TRIB2: variants seen among roughly 807,000 people sequenced by gnomAD.
TRIB2 encodes the protein tribbles pseudokinase 2.
A neutral mutation model predicts 26.8 loss-of-function variants in TRIB2; 2 were observed. The observed-to-expected ratio is 0.07, with a 90% confidence interval of 0.03 to 0.24. The LOEUF is 0.24. TRIB2 is among the 10% of genes least tolerant of loss of function. The pLI is 1.00. For synonymous variants in TRIB2, 189 were observed against 187.3 expected (o/e 1.01, Z -0.08); for missense variants, 306 against 449.0 (o/e 0.68, Z 2.88).
Position 12,718,797 on chromosome 2 carries a change from C to G in TRIB2, c.270+220C>G, listed in dbSNP as rs1558313834. ...CAGTGGGGGCGTTTCGGGGAGAGCC[C>G]GGGGAGGAGAGGGCGGCGGGACTGC... On this transcript the variant is annotated intron_variant, in intron 1 of 2. Transcript: ENST00000155926. This position sits in a 1 kb window ranked among gnomAD's most constrained non-coding sequence, Gnocchi z 4.0. Among the ~76,000 whole-genome samples the G allele has an allele frequency of 6.6e-6, 1 of 151,798 alleles. No homozygotes were observed. The highest frequency in any genetic ancestry group is 2.1e-4 in the South Asian group (1 of 4,810).
Position 12,732,766 on chromosome 2 carries a change from CCCGGGCGG to C in TRIB2, c.564-7559_564-7552del, listed in dbSNP as rs1661485233. On this transcript the variant is annotated intron_variant, in intron 2 of 2. Transcript: ENST00000155926. The surrounding 1 kb of genome is among the most constrained non-coding windows in gnomAD (Gnocchi z 4.2). ...TTCCCAGGCCCTTGGTAGCAGCCGCCCCGGGCGGGACCCTGGCTTTCACAGCTGGACTG... is the reference window on the plus strand; with the variant it reads ...TTCCCAGGCCCTTGGTAGCAGCCGCCGACCCTGGCTTTCACAGCTGGACTG... 6.6e-6 allele frequency among the ~76,000 whole-genome samples: 1 copy of C among 152,214 alleles called. No individual in the cohort carries two copies. Among genetic ancestry groups the C allele is most frequent in the Admixed American group, 6.5e-5 (1 of 15,286 alleles).
chr2:12,736,492 T>C (rs181933903), intron 2 of TRIB2, among the ~76,000 whole-genome samples: 1 of 152,310 alleles, frequency 6.6e-6, no homozygotes, highest in Admixed American at 6.5e-5. Flanking sequence ...TATGGGAGAT[T>C]CCTTGATGCT....
chr2:12,718,078 G>A lies in TRIB2; in HGVS notation c.-230G>A. 1 of 587,524 alleles carries A rather than the reference G, an allele frequency of 1.7e-6. No homozygotes were observed. The highest frequency in any genetic ancestry group is 3.0e-6 in the Non-Finnish European group (1 of 336,688). 36.4% of individuals were successfully genotyped at this position (587,524 alleles called of 1,614,324 possible). On this transcript the variant is annotated 5_prime_UTR_variant, in exon 1 of 3. Coordinates refer to ENST00000155926, the MANE Select transcript of TRIB2 (RefSeq NM_021643.4). This position sits in a 1 kb window ranked among gnomAD's most constrained non-coding sequence, Gnocchi z 4.0. ...CTGCTTTGGGGTAACAAAAAGACCC[G>A]AGTTGCCTGCCGACCGAGGACCCCC...
chr2:12,729,330 T>C (rs1178683613), intron 2 of TRIB2, among the ~76,000 whole-genome samples: 1 of 152,206 alleles, frequency 6.6e-6, no homozygotes, highest in Non-Finnish European at 1.5e-5. Context: ...TGGGCCTTGC[T>C]ATTTGTTGAC....
At position 12,723,306 on chromosome 2, in the gene TRIB2, G is replaced by C. The variant is rs377427702; in HGVS notation, c.317G>C (p.Cys106Ser). Residue 106 changes from cysteine to serine, a missense_variant, in exon 2 of 3, where the codon TGC (cysteine) becomes TCC (serine). By Grantham distance (112) the Cys-to-Ser change is moderately radical. Transcript: ENST00000155926. ...CAGGAATCCCTGGCACCGTGCTTTT[G>C]CCTGTCTGCTCATAGTAACATCAAC... is the stretch of plus-strand genomic sequence containing the variant. The part of the protein sequence containing the change: ...CYQESLAPCF[C>S]LSAHSNINQI... The C allele has an allele frequency of 9.3e-6, 15 of 1,614,082 alleles. No homozygotes were observed. Among genetic ancestry groups the C allele is most frequent in the Non-Finnish European group, 1.2e-5 (14 of 1,180,056 alleles).
Position 12,740,885 on chromosome 2 carries a change from G to A in TRIB2, c.*91G>A. On this transcript the variant is annotated 3_prime_UTR_variant, in exon 3 of 3. Transcript: ENST00000155926. The surrounding 1 kb of genome is among the most constrained non-coding windows in gnomAD (Gnocchi z 5.8). ...CGGGGGACACGAATTGCCTGGCTGA[G>A]TAGCAAGAAAGACACACTCTTAAGT... The A allele has an allele frequency of 8.1e-7, 1 of 1,232,494 alleles. No homozygotes were observed. The highest frequency in any genetic ancestry group is 1.1e-6 in the Non-Finnish European group (1 of 880,724). 76.3% of individuals were successfully genotyped at this position (1,232,494 alleles called of 1,614,324 possible).
chr2:12,734,221 C>T (rs1661521775), intron 2 of TRIB2, among the ~76,000 whole-genome samples: 1 of 152,196 alleles, frequency 6.6e-6, no homozygotes, highest in African/African-American at 2.4e-5. Context: ...CTGGAGATAA[C>T]CATTGTCATT....
chr2:12,737,903 A>C (rs1273186391), intron 2 of TRIB2, among the ~76,000 whole-genome samples: 2 of 152,160 alleles, frequency 1.3e-5, no homozygotes, highest in Non-Finnish European at 2.9e-5. Flanking sequence ...TAGGTCTGAA[A>C]AACAGAGAAG....
rs1471821817 is a variant in TRIB2 at position 12,717,812 on chromosome 2, T to G, written c.-496T>G. The G allele has an allele frequency of 1.1e-5, 3 of 271,684 alleles. No homozygotes were observed. The highest frequency in any genetic ancestry group is 6.3e-5 in the East Asian group (1 of 15,966). The allele number at this position is 271,684 out of a possible 1,614,324, so 16.8% of individuals were successfully genotyped here. On this transcript the variant is annotated 5_prime_UTR_variant, in exon 1 of 3. Coordinates refer to ENST00000155926, the MANE Select transcript of TRIB2 (RefSeq NM_021643.4). This position sits in a 1 kb window ranked among gnomAD's most constrained non-coding sequence, Gnocchi z 4.8. The stretch of plus-strand genomic sequence containing the variant: ...GCCGGTAGACCCGTGCTTGTTTCCT[T>G]TCTCTTTTTGTTTGGCTTCTAACGC...
chr2:12,722,297 C>T (rs1327442652), intron 1 of TRIB2, among the ~76,000 whole-genome samples: 4 of 152,222 alleles, frequency 2.6e-5, no homozygotes, highest in Non-Finnish European at 5.9e-5. Flanking sequence ...CAGCGAAGCT[C>T]ACCCACGCAT....
intron 2 of TRIB2, among the ~76,000 whole-genome samples, chr2:12,735,663 T>C (rs1336993595): frequency 1.3e-5 from 2 of 152,186 alleles, no homozygotes; most frequent in African/African-American, 4.8e-5. Flanking sequence ...GGTACATAGA[T>C]GACATCTGCC....
intron 2 of TRIB2, among the ~76,000 whole-genome samples, chr2:12,724,163 T>C (rs944137838): frequency 1.3e-5 from 2 of 152,116 alleles, no homozygotes; most frequent in African/African-American, 4.8e-5. Context: ...GGAGGGGTGA[T>C]TTTGGAGCCA....
intron 2 of TRIB2, chr2:12,737,569 A>C (rs7564991): frequency 0.098 from 15,203 of 154,668 alleles, 821 homozygotes; most frequent in African/African-American, 0.14. Flanking sequence ...GTTTTTAATC[A>C]GCTCCATTCC....
intron 2 of TRIB2, among the ~76,000 whole-genome samples, chr2:12,736,806 C>A (rs1661586709): frequency 6.6e-6 from 1 of 152,158 alleles, no homozygotes; most frequent in Non-Finnish European, 1.5e-5. Context: ...AAAATGATCA[C>A]CATAATGATA....
rs756544226 is a variant in TRIB2 at position 12,740,015 on chromosome 2, A to G, written c.564-311A>G. ...AAGCTAGTTAATCTCTTGTTCCCTCATCGCAGGGGTGATGATGATGTGATT... is the reference window on the plus strand; with the variant it reads ...AAGCTAGTTAATCTCTTGTTCCCTCGTCGCAGGGGTGATGATGATGTGATT... On this transcript the variant is annotated intron_variant, in intron 2 of 2. Transcript: ENST00000155926. This position sits in a 1 kb window ranked among gnomAD's most constrained non-coding sequence, Gnocchi z 5.8. Among the ~76,000 whole-genome samples the G allele has an allele frequency of 1.3e-5, 2 of 152,168 alleles. No individual in the cohort carries two copies. The highest frequency in any genetic ancestry group is 2.4e-5 in the African/African-American group (1 of 41,428).
At chr2:12,723,662 G>A (rs1194709780) in intron 2 of TRIB2, 110 bp downstream of exon 2, 2 of 1,329,566 alleles carry the variant, frequency 1.5e-6, no homozygotes, top group Admixed American at 2.5e-5. Flanking sequence ...TCCAGATGAG[G>A]GGAAGGAATC....
At chr2:12,719,535 G>C (rs1403805167) in intron 1 of TRIB2, among the ~76,000 whole-genome samples, 1 of 150,880 alleles carries the variant, frequency 6.6e-6, no homozygotes, top group African/African-American at 2.4e-5. Flanking sequence ...ATTGGACCTA[G>C]ATCAAGGATT....
intron 2 of TRIB2, among the ~76,000 whole-genome samples, chr2:12,729,924 T>A (rs1020246445): frequency 2.6e-5 from 4 of 152,222 alleles, no homozygotes; most frequent in African/African-American, 9.6e-5. Context: ...CAGTGCCTGG[T>A]GCACTGCAGC....
intron 2 of TRIB2, among the ~76,000 whole-genome samples, chr2:12,724,453 A>G (rs1251009149): frequency 1.3e-5 from 2 of 152,362 alleles, no homozygotes; most frequent in East Asian, 1.9e-4. Flanking sequence ...CAGAGGCAAC[A>G]AATCTGTATT....
Sources: gnomAD v4.1 joint callset for allele counts (sites outside exome capture counted in the v4.1 genomes callset) on GRCh38, gnomAD v4.1.1 for gene constraint, Gnocchi (gnomAD v3.1) non-coding constraint, MANE v1.5 for transcripts, NCBI Gene and HGNC (gene_info 2026-07-23, HGNC 2026-07-21) for gene names.